The following NMNAT2 variants were observed in gnomAD, a reference collection of about 807,000 sequenced individuals.
NMNAT2 encodes the protein nicotinamide nucleotide adenylyltransferase 2.
In NMNAT2, 11 loss-of-function variants were observed where a neutral mutation model predicts 41.6. The observed-to-expected ratio is 0.26, with a 90% confidence interval of 0.17 to 0.44. NMNAT2 has a LOEUF of 0.44. Among genes scored for constraint, NMNAT2 ranks in the 20% least tolerant of loss-of-function variants. NMNAT2 has a pLI of 1.00. For missense variants in NMNAT2, 288 were observed against 407.7 expected (o/e 0.71, Z 2.53); for synonymous variants, 148 against 151.2 (o/e 0.98, Z 0.16).
At chr1:183,341,748 C>CAAAAAACAAAAAA (rs369432128) in intron 1 of NMNAT2, among the ~76,000 whole-genome samples, 3 of 79,794 alleles carry the variant, frequency 3.8e-5, no homozygotes, top group African/African-American at 1.3e-4. Flanking sequence ...AAAAAAAAAA[C>CAAAAAACAAAAAA]CTGTTTCCTT....
chr1:183,264,029 C>G (rs1199709962), intron 8 of NMNAT2, among the ~76,000 whole-genome samples: 2 of 151,996 alleles, frequency 1.3e-5, no homozygotes, highest in Non-Finnish European at 2.9e-5. Flanking sequence ...GAAAGGAGGA[C>G]AGGAGAGAAG....
intron 1 of NMNAT2, among the ~76,000 whole-genome samples, chr1:183,301,770 A>G (rs1479307212): frequency 6.6e-6 from 1 of 152,264 alleles, no homozygotes; most frequent in Non-Finnish European, 1.5e-5. Flanking sequence ...ATAAAAATTC[A>G]TGAGACACAC....
In NMNAT2 at chr1:183,280,219, T is replaced by C. The variant is rs74129675; in HGVS notation, c.575-1590A>G. On this transcript the variant is annotated intron_variant, in intron 7 of 10. Coordinates refer to ENST00000287713, the MANE Select transcript of NMNAT2 (RefSeq NM_015039.4). Reference sequence around the variant, plus strand: ...GGATTCTGTTGTTCCTCAGGCCCACTTGGAGCCACCCAGGGTTCTAGGTCA... The same window carrying C: ...GGATTCTGTTGTTCCTCAGGCCCACCTGGAGCCACCCAGGGTTCTAGGTCA... Among the ~76,000 whole-genome samples, 998 of 152,230 alleles carry C rather than the reference T, an allele frequency of 6.6e-3. 13 individuals carry two copies. Among genetic ancestry groups the C allele is most frequent in the African/African-American group, 0.023 (972 of 41,548 alleles).
chr1:183,283,935 G>T lies in NMNAT2; in HGVS notation c.574+60C>A, dbSNP rs764231410. On this transcript the variant is annotated intron_variant, in intron 7 of 10. Coordinates refer to ENST00000287713, the MANE Select transcript of NMNAT2 (RefSeq NM_015039.4). ...AGCCTCTCTGCTCCCCATGTTGCCT[G>T]TCGTGAAGGCAGGGAGCTCCAAATG... is the stretch of plus-strand genomic sequence containing the variant. 7.8e-6 allele frequency: 12 copies of T among 1,537,658 alleles called. No individual in the cohort carries two copies. In the Admixed American group the frequency reaches 1.3e-4, roughly 17 times the overall value.
chr1:183,372,672 G>A (rs948507188), intron 1 of NMNAT2, among the ~76,000 whole-genome samples: 4 of 152,148 alleles, frequency 2.6e-5, no homozygotes, highest in Admixed American at 6.5e-5. Flanking sequence ...CAGCAAAAAT[G>A]CCCCCTCTCT....
chr1:183,300,404 C>T (rs1661818907), intron 1 of NMNAT2, among the ~76,000 whole-genome samples: 1 of 130,686 alleles, frequency 7.7e-6, no homozygotes, highest in African/African-American at 2.8e-5. Flanking sequence ...TCTGAGACTC[C>T]ATCTAAAAAA....
intron 10 of NMNAT2, among the ~76,000 whole-genome samples, chr1:183,258,785 G>A (rs915075642): frequency 4.6e-5 from 7 of 151,722 alleles, no homozygotes; most frequent in South Asian, 2.1e-4. Context: ...TTGAATTTGC[G>A]GCCCCCCACC....
At chr1:183,287,271 T>C (rs1385247805) in intron 4 of NMNAT2, among the ~76,000 whole-genome samples, 1 of 152,100 alleles carries the variant, frequency 6.6e-6, no homozygotes, top group African/African-American at 2.4e-5. Flanking sequence ...TGAGATCATG[T>C]CTGCAAAAGG....
At chr1:183,387,104 G>A (rs1235081707) in intron 1 of NMNAT2, among the ~76,000 whole-genome samples, 1 of 150,994 alleles carries the variant, frequency 6.6e-6, no homozygotes, top group African/African-American at 2.4e-5. Flanking sequence ...TAATGTATTA[G>A]TTTATATTTA....
intron 1 of NMNAT2, among the ~76,000 whole-genome samples, chr1:183,302,992 G>T (rs1360696769): frequency 1.3e-5 from 2 of 152,236 alleles, no homozygotes; most frequent in East Asian, 3.9e-4. Flanking sequence ...TGATCTGTTG[G>T]CCTTGTCATA....
chr1:183,391,696 C>T (rs1648486509), intron 1 of NMNAT2, among the ~76,000 whole-genome samples: 1 of 152,164 alleles, frequency 6.6e-6, no homozygotes, highest in African/African-American at 2.4e-5. Context: ...CCAGCTTCTG[C>T]CCCCTTCATT....
intron 8 of NMNAT2, among the ~76,000 whole-genome samples, chr1:183,261,677 A>G (rs1660661103): frequency 6.6e-6 from 1 of 152,156 alleles, no homozygotes; most frequent in African/African-American, 2.4e-5. Context: ...CTGGAGTGAA[A>G]CAGATCCCTC....
At chr1:183,348,980 C>A (rs1451051559) in intron 1 of NMNAT2, among the ~76,000 whole-genome samples, 1 of 152,178 alleles carries the variant, frequency 6.6e-6, no homozygotes. Flanking sequence ...AAAGTGAACA[C>A]AGCATGGACT....
chr1:183,349,899 G>A (rs1479609151), intron 1 of NMNAT2, among the ~76,000 whole-genome samples: 2 of 152,150 alleles, frequency 1.3e-5, no homozygotes, highest in Non-Finnish European at 1.5e-5. Context: ...GAGCCATCCC[G>A]ATGTTGACTT....
chr1:183,367,125 G>C (rs1663430396), intron 1 of NMNAT2, among the ~76,000 whole-genome samples: 1 of 152,112 alleles, frequency 6.6e-6, no homozygotes, highest in South Asian at 2.1e-4. Context: ...CCACATCCTA[G>C]CATGGTGCCT....
intron 5 of NMNAT2, among the ~76,000 whole-genome samples, chr1:183,286,217 G>A (rs1191117314): frequency 6.6e-6 from 1 of 152,094 alleles, no homozygotes; most frequent in Non-Finnish European, 1.5e-5. Context: ...GACTACAGGT[G>A]TGTGCCACCA....
intron 7 of NMNAT2, 87 bp downstream of exon 7, chr1:183,283,908 C>G: frequency 7.5e-7 from 1 of 1,335,552 alleles, no homozygotes; most frequent in Non-Finnish European, 1.1e-6. Context: ...CCTGGGTTTT[C>G]AAGCCTCTCT....
At chr1:183,339,805 A>ATT (rs1662755541) in intron 1 of NMNAT2, among the ~76,000 whole-genome samples, 1 of 151,996 alleles carries the variant, frequency 6.6e-6, no homozygotes, top group African/African-American at 2.4e-5. Flanking sequence ...GAGCCTTTTT[A>ATT]TCTCTGCCTT....
intron 4 of NMNAT2, among the ~76,000 whole-genome samples, chr1:183,287,308 C>G (rs998211635): frequency 6.6e-6 from 1 of 152,124 alleles, no homozygotes; most frequent in African/African-American, 2.4e-5. Flanking sequence ...AAAGGTCATA[C>G]AAACACAAGG....
Sources: gnomAD v4.1 joint callset for allele counts (sites outside exome capture counted in the v4.1 genomes callset) on GRCh38, gnomAD v4.1.1 for gene constraint, MANE v1.5 for transcripts, NCBI Gene and HGNC (gene_info 2026-07-23, HGNC 2026-07-21) for gene names.